The following NCOR2 variants were observed in gnomAD, a reference collection of about 807,000 sequenced individuals.
NCOR2 encodes the protein CTG repeat protein 26.
In NCOR2, 81 loss-of-function variants were observed where a neutral mutation model predicts 262.9. That is an observed-to-expected ratio of 0.31 (90% CI 0.26 to 0.37). NCOR2 has a LOEUF of 0.37. Among genes scored for constraint, NCOR2 ranks in the 10% least tolerant of loss-of-function variants. NCOR2 has a pLI of 1.00. For missense variants in NCOR2, 3,385 were observed against 3,621.4 expected, an observed-to-expected ratio of 0.93 and a Z score of 1.68; for synonymous variants, 1,659 against 1,559.3, an observed-to-expected ratio of 1.06 and a Z score of -1.51.
Position 124,566,942 on chromosome 12 carries a change from G to A in NCOR2, c.-165+366C>T, listed in dbSNP as rs1213993536. Among the ~76,000 whole-genome samples the A allele has an allele frequency of 6.6e-6, 1 of 152,168 alleles. No homozygotes were observed. The highest frequency in any genetic ancestry group is 2.4e-5 in the African/African-American group (1 of 41,452). On this transcript the variant is annotated intron_variant, in intron 1 of 32. Coordinates refer to the NCOR2 transcript ENST00000458234. The surrounding 1 kb of genome is among the most constrained non-coding windows in gnomAD (Gnocchi z 4.3). ...ATAAGGCGCAGTGTCGCCCCGCCAG[G>A]TCCGGGGCTACACCGGGTACAAGGG...
chr12:124,377,910 AAGAC>A (rs1281645563), intron 18 of NCOR2, among the ~76,000 whole-genome samples: 5 of 152,048 alleles, frequency 3.3e-5, no homozygotes, highest in African/African-American at 1.2e-4. Context: ...GATGGGGTGA[AAGAC>A]AGCAGGCACC....
At chr12:124,365,064 G>A (rs1053184156) in intron 20 of NCOR2, among the ~76,000 whole-genome samples, 5 of 149,850 alleles carry the variant, frequency 3.3e-5, no homozygotes, top group Admixed American at 6.6e-5. Flanking sequence ...GAGATGGCCC[G>A]GCCTACGTTT....
intron 1 of NCOR2, among the ~76,000 whole-genome samples, chr12:124,492,153 C>G (rs117144926): frequency 1.3e-5 from 2 of 152,220 alleles, no homozygotes; most frequent in Non-Finnish European, 2.9e-5. Context: ...ACCGCCAGCT[C>G]GGCATCCACG....
intron 20 of NCOR2, among the ~76,000 whole-genome samples, chr12:124,367,742 C>G (rs2039152711): frequency 6.6e-6 from 1 of 152,218 alleles, no homozygotes; most frequent in Non-Finnish European, 1.5e-5. Context: ...AAGTGATCCT[C>G]CTGCCTCAGT....
chr12:124,366,933 G>C (rs1429975075), intron 20 of NCOR2, among the ~76,000 whole-genome samples: 1 of 152,164 alleles, frequency 6.6e-6, no homozygotes, highest in Non-Finnish European at 1.5e-5. Flanking sequence ...CGACGTATCA[G>C]CTGTATTTTC....
intron 1 of NCOR2, among the ~76,000 whole-genome samples, chr12:124,522,220 A>T (rs2050228970): frequency 6.6e-6 from 1 of 152,280 alleles, no homozygotes. Context: ...TGAACAAGAC[A>T]AAATTACATT....
intron 1 of NCOR2, among the ~76,000 whole-genome samples, chr12:124,493,915 T>A (rs530696978): frequency 6.6e-6 from 1 of 152,230 alleles, no homozygotes; most frequent in South Asian, 2.1e-4. Flanking sequence ...TGGGCCTCAG[T>A]CTCCTCATCT....
intron 1 of NCOR2, among the ~76,000 whole-genome samples, chr12:124,544,668 C>T (rs1219941779): frequency 6.6e-6 from 1 of 152,178 alleles, no homozygotes; most frequent in Non-Finnish European, 1.5e-5. Flanking sequence ...AGGGATGCAG[C>T]CCCAGCACCC....
chr12:124,559,252 C>T (rs997546142), intron 1 of NCOR2, among the ~76,000 whole-genome samples: 5 of 152,214 alleles, frequency 3.3e-5, no homozygotes, highest in African/African-American at 1.2e-4. Context: ...CAGGTTGGAA[C>T]CAGATGGCCC....
At chr12:124,489,732 G>A (rs1356541226) in intron 1 of NCOR2, among the ~76,000 whole-genome samples, 1 of 152,218 alleles carries the variant, frequency 6.6e-6, no homozygotes, top group Non-Finnish European at 1.5e-5. Flanking sequence ...GAGGCCACCA[G>A]AAAAAGCCAT....
At position 124,422,578 on chromosome 12, in the gene NCOR2, G is replaced by A. The variant is rs547315690; in HGVS notation, c.1329-23C>T. 1.5e-5 allele frequency: 24 copies of A among 1,613,454 alleles called. 1 individual carries two copies. The South Asian group carries it at 1.6e-4, about 11-fold the overall frequency. ...AACCTGCGGGACGAGAAGGGTGGGC[G>A]TGAGACCTGGCCGAGGGGGGCTTTC... On this transcript the variant is annotated intron_variant, in intron 11 of 46. Transcript: ENST00000405201.
exon 37 of NCOR2, chr12:124,340,071 C>T: frequency 6.2e-7 from 1 of 1,613,054 alleles, no homozygotes; most frequent in Non-Finnish European, 8.5e-7. Flanking sequence ...TGTTGTGAAG[C>T]ACACTGGGTC....
At chr12:124,554,608 G>A (rs2051824760) in intron 1 of NCOR2, among the ~76,000 whole-genome samples, 1 of 152,230 alleles carries the variant, frequency 6.6e-6, no homozygotes, top group South Asian at 2.1e-4. Flanking sequence ...CCACGGACGG[G>A]GGCTGTGACA....
intron 30 of NCOR2, among the ~76,000 whole-genome samples, chr12:124,347,137 G>A (rs1230606193): frequency 1.3e-5 from 2 of 152,238 alleles, no homozygotes; most frequent in Non-Finnish European, 2.9e-5. Context: ...GGGGGGCTGC[G>A]GCAGGCAGAC....
intron 3 of NCOR2, among the ~76,000 whole-genome samples, 170 bp from the exon 6 acceptor site, chr12:124,473,301 G>A (rs1403545696): frequency 6.6e-6 from 1 of 152,214 alleles, no homozygotes; most frequent in African/African-American, 2.4e-5. Flanking sequence ...TGAGTCAGTG[G>A]GCTGGAGAAG....
At chr12:124,374,345 G>T in intron 19 of NCOR2, 68 bp downstream of exon 21, 1 of 1,508,292 alleles carries the variant, frequency 6.6e-7, no homozygotes, top group Non-Finnish European at 9.2e-7. Flanking sequence ...CCTTGTGGAG[G>T]ACCGGGGACC....
chr12:124,516,436 G>A (rs1404335047), intron 1 of NCOR2, among the ~76,000 whole-genome samples: 1 of 152,200 alleles, frequency 6.6e-6, no homozygotes, highest in Non-Finnish European at 1.5e-5. Flanking sequence ...GCACCCACTC[G>A]ACCTACCTCC....
chr12:124,553,504 G>A (rs538930729), intron 1 of NCOR2, among the ~76,000 whole-genome samples: 68 of 152,260 alleles, frequency 4.5e-4, no homozygotes, highest in African/African-American at 1.5e-3. Flanking sequence ...CAGGGTCCAC[G>A]TGCCTCAGTC....
At chr12:124,428,798 A>G (rs1174797731) in intron 10 of NCOR2, among the ~76,000 whole-genome samples, 3 of 152,232 alleles carry the variant, frequency 2.0e-5, no homozygotes, top group South Asian at 2.1e-4. Context: ...AAAGGGCTAT[A>G]ATCTCCCATC....
Sources: gnomAD v4.1 joint callset for allele counts (sites outside exome capture counted in the v4.1 genomes callset) on GRCh38, gnomAD v4.1.1 for gene constraint, Gnocchi (gnomAD v3.1) non-coding constraint, MANE v1.5 for transcripts, NCBI Gene and HGNC (gene_info 2026-07-23, HGNC 2026-07-21) for gene names.